The following SIN3A variants were observed in gnomAD, a reference collection of about 807,000 sequenced individuals.
SIN3A encodes the protein paired amphipathic helix protein Sin3a.
A neutral mutation model predicts 146.1 loss-of-function variants in SIN3A; 14 were observed. That is an observed-to-expected ratio of 0.10 (90% CI 0.06 to 0.15). The LOEUF (loss-of-function observed/expected upper bound fraction) is 0.15, where lower values mean the gene tolerates loss of function less well. Ranked by LOEUF, SIN3A falls within the 10% of genes least tolerant of loss-of-function variation. SIN3A has a pLI of 1.00. For synonymous variants in SIN3A, 572 were observed against 572.0 expected, an observed-to-expected ratio of 1.00 and a Z score of 0.00; for missense variants, 1,028 against 1,576.0, an observed-to-expected ratio of 0.65 and a Z score of 5.89.
rs1043258286 is a variant in SIN3A at position 75,370,580 on chromosome 15, A to G, written c.*1399T>C. Reference sequence around the variant, plus strand: ...AATTCTCTCCCTCCCAACTCCATTTATAAGGTATACCACATGCCTTATGCA... The same window carrying G: ...AATTCTCTCCCTCCCAACTCCATTTGTAAGGTATACCACATGCCTTATGCA... On this transcript the variant is annotated 3_prime_UTR_variant, in exon 21 of 21. Coordinates refer to ENST00000394947, the MANE Select transcript of SIN3A (RefSeq NM_001145358.2). The G allele has an allele frequency of 2.6e-4, 39 of 152,222 alleles. No individual in the cohort carries two copies. The highest frequency in any genetic ancestry group is 4.7e-4 in the Non-Finnish European group (32 of 68,050). The allele number at this position is 152,222 out of a possible 1,614,324, so 9.4% of individuals were successfully genotyped here.
chr15:75,406,782 T>G (rs2073525062), intron 9 of SIN3A, among the ~76,000 whole-genome samples: 1 of 152,106 alleles, frequency 6.6e-6, no homozygotes, highest in South Asian at 2.1e-4. Flanking sequence ...CAATGGGAGC[T>G]CCAAACATCT....
Position 75,394,880 on chromosome 15 carries a change from G to C in SIN3A, c.2094-17C>G. On this transcript the variant is annotated splice_polypyrimidine_tract_variant and intron_variant, in intron 13 of 20. Coordinates refer to ENST00000394947, the MANE Select transcript of SIN3A (RefSeq NM_001145358.2). ...ATCTTCAACCTAGTGAAGCGGGAAG[G>C]GATGGAAACAACACATGGGAATTCA... 1.2e-6 allele frequency: 2 copies of C among 1,606,958 alleles called. No individual in the cohort carries two copies. Among genetic ancestry groups the C allele is most frequent in the Non-Finnish European group, 1.7e-6 (2 of 1,176,538 alleles).
chr15:75,431,577 G>A (rs2074014619), intron 1 of SIN3A, among the ~76,000 whole-genome samples: 1 of 151,830 alleles, frequency 6.6e-6, no homozygotes, highest in South Asian at 2.1e-4. Context: ...CCACTGCTAT[G>A]GAAAGAAGAT....
chr15:75,398,621 T>A (rs2073348018), intron 12 of SIN3A, among the ~76,000 whole-genome samples: 1 of 151,212 alleles, frequency 6.6e-6, no homozygotes. Context: ...GAGGTTGCAG[T>A]GAGCCGAGAT....
chr15:75,448,073 G>A (rs1032867334), intron 1 of SIN3A: 2 of 152,156 alleles, frequency 1.3e-5, no homozygotes, highest in African/African-American at 4.8e-5. Flanking sequence ...AGCTACATGG[G>A]AGGCTAAGGT....
chr15:75,402,063 G>A (rs1567350896), intron 9 of SIN3A, 93 bp from the exon 10 acceptor site: 1 of 779,510 alleles, frequency 1.3e-6, no homozygotes, highest in Non-Finnish European at 2.2e-6. Flanking sequence ...AGGAGGCGCA[G>A]TTGTGTAATC....
At position 75,392,509 on chromosome 15, in the gene SIN3A, G is replaced by A. The variant is rs148600763; in HGVS notation, c.2584C>T (p.Pro862Ser). The A allele has an allele frequency of 4.3e-6, 7 of 1,613,988 alleles. No individual in the cohort carries two copies. Among genetic ancestry groups the A allele is most frequent in the South Asian group, 3.3e-5 (3 of 91,088 alleles). The change falls in exon 15 of 21, where the codon CCT becomes TCT. Residue 862 changes from proline (P) to serine (S), a missense_variant. Pro to Ser is a moderately conservative substitution (Grantham distance 74). This residue lies in a region of SIN3A where 488 missense variants were observed against 690.2 expected (regional missense o/e 0.71). Transcript: ENST00000394947. ...TTACTAAACAGTAACTTGGACTTAG[G>A]GGGACTGCCCCCAACACCATTGTGC... ...KKHNGVGGSP[P>S]KSKLLFSNTA...
At chr15:75,442,617 TAAAAAAAA>T (rs374599694) in intron 1 of SIN3A, among the ~76,000 whole-genome samples, 2 of 123,116 alleles carry the variant, frequency 1.6e-5, no homozygotes, top group African/African-American at 6.3e-5. Context: ...ATCCCATCTT[TAAAAAAAA>T]AAAAAAAAAA....
In SIN3A at chr15:75,380,622, C is replaced by G. The variant is rs2141382898; in HGVS notation, c.3383+7G>C. ...TGGACTGCTGACAGATGACATGGCT[C>G]ACTCACCTGGGGAGAAATACTGGTT... is the stretch of plus-strand genomic sequence containing the variant. On this transcript the variant is annotated splice_region_variant and intron_variant, in intron 19 of 20. Coordinates refer to ENST00000394947, the MANE Select transcript of SIN3A (RefSeq NM_001145358.2). 1 of 1,601,940 alleles carries G rather than the reference C, an allele frequency of 6.2e-7. No homozygotes were observed. Among genetic ancestry groups the G allele is most frequent in the East Asian group, 2.2e-5 (1 of 44,836 alleles).
Position 75,392,762 on chromosome 15 carries a change from G to A in SIN3A, c.2331C>T (p.Leu777=). 1.9e-6 allele frequency: 3 copies of A among 1,614,098 alleles called. No homozygotes were observed. Among genetic ancestry groups the A allele is most frequent in the South Asian group, 1.1e-5 (1 of 91,084 alleles). The part of the protein sequence containing the change: ...ENAGVPVGPH[L]SLAYEDKQIL... ...TTTGTTTGTCTTCATACGCAAGTGA[G>A]AGGTGTGGGCCAACAGGTACACCAG... is the stretch of plus-strand genomic sequence containing the variant. Residue 777 remains leucine, a synonymous_variant, in exon 15 of 21, where the codon CTC becomes CTT. Coordinates refer to ENST00000394947, the MANE Select transcript of SIN3A (RefSeq NM_001145358.2).
At chr15:75,426,649 G>A (rs559349039) in intron 2 of SIN3A, among the ~76,000 whole-genome samples, 1 of 152,296 alleles carries the variant, frequency 6.6e-6, no homozygotes, top group East Asian at 1.9e-4. Context: ...AAGCAGAAAG[G>A]GCGGACGAGG....
rs561371926 is a variant in SIN3A, at chr15:75,441,240, G to A, written c.-34+10183C>T. 3.0e-3 allele frequency among the ~76,000 whole-genome samples: 449 copies of A among 152,072 alleles called. 2 individuals are homozygous for A. Among genetic ancestry groups the A allele is most frequent in the African/African-American group, 0.01 (427 of 41,480 alleles). ...CAGTAGAATTGCTTGAACTTGGGAGGTGGAGGTTGACCGAGATCTCGCCAC... is the reference window on the plus strand; with the variant it reads ...CAGTAGAATTGCTTGAACTTGGGAGATGGAGGTTGACCGAGATCTCGCCAC... On this transcript the variant is annotated intron_variant, in intron 1 of 20. Coordinates refer to ENST00000394947, the MANE Select transcript of SIN3A (RefSeq NM_001145358.2).
chr15:75,413,156 A>G (rs1020202361), intron 4 of SIN3A, 111 bp from the exon 5 acceptor site: 1 of 1,050,382 alleles, frequency 9.5e-7, no homozygotes, highest in Admixed American at 3.1e-5. Context: ...TCTGTTGCCC[A>G]GGCTGGACTG....
chr15:75,436,704 T>G (rs1177673603), intron 1 of SIN3A, among the ~76,000 whole-genome samples: 1 of 152,016 alleles, frequency 6.6e-6, no homozygotes. Context: ...TGTTGTGTAT[T>G]TGGAAATTTT....
At chr15:75,417,374 TTTTC>T (rs1327789149) in intron 3 of SIN3A, among the ~76,000 whole-genome samples, 1 of 151,866 alleles carries the variant, frequency 6.6e-6, no homozygotes, top group African/African-American at 2.4e-5. Context: ...AAGCCAGTCT[TTTTC>T]TTTTTTTTTT....
intron 17 of SIN3A, among the ~76,000 whole-genome samples, chr15:75,382,347 T>C (rs1398191145): frequency 2.0e-5 from 3 of 152,160 alleles, no homozygotes; most frequent in Non-Finnish European, 4.4e-5. Flanking sequence ...ACAAATACAG[T>C]TATTTCCAAA....
intron 8 of SIN3A, among the ~76,000 whole-genome samples, chr15:75,409,172 C>A (rs1253097062): frequency 6.6e-6 from 1 of 151,778 alleles, no homozygotes; most frequent in African/African-American, 2.4e-5. Context: ...CCACTGCACT[C>A]CAGCCTGGGC....
At chr15:75,375,161 G>A (rs572978465) in intron 20 of SIN3A, among the ~76,000 whole-genome samples, 7 of 152,272 alleles carry the variant, frequency 4.6e-5, no homozygotes, top group Non-Finnish European at 8.8e-5. Context: ...GGTGGCTCAC[G>A]CCTGTAATGC....
At chr15:75,431,863 A>C (rs576792147) in intron 1 of SIN3A, among the ~76,000 whole-genome samples, 1 of 152,220 alleles carries the variant, frequency 6.6e-6, no homozygotes, top group African/African-American at 2.4e-5. Context: ...CACATTTCAC[A>C]TACCTAAGTG....
Sources: allele counts gnomAD v4.1 joint callset (sites outside exome capture counted in the v4.1 genomes callset), GRCh38; gene constraint gnomAD v4.1.1; regional missense constraint gnomAD v4.1.1; transcripts MANE v1.5; gene names NCBI Gene and HGNC (gene_info 2026-07-23, HGNC 2026-07-21).